Variants in CFAP20DC observed in about 807,000 individuals in gnomAD.
CFAP20DC encodes protein CFAP20DC.
Under a neutral mutation model 101.7 loss-of-function variants are expected in CFAP20DC, and 84 were observed. That is an observed-to-expected ratio of 0.83 (90% CI 0.69 to 0.99). The LOEUF is 0.99. CFAP20DC is among the 50% of genes least tolerant of loss of function. The probability of loss-of-function intolerance (pLI) is 0.00; values close to 1 mark genes in which losing one functional copy is unlikely to be tolerated. For missense variants in CFAP20DC, 1,007 were observed against 970.3 expected (o/e 1.04, Z -0.50); for synonymous variants, 359 against 351.2 (o/e 1.02, Z -0.25).
chr3:58,880,489 C>T (rs1360150803), intron 7 of CFAP20DC, among the ~76,000 whole-genome samples: 1 of 151,994 alleles, frequency 6.6e-6, no homozygotes, highest in Non-Finnish European at 1.5e-5. Flanking sequence ...TTTGTTATTA[C>T]AAGCAATGTA....
intron 15 of CFAP20DC, among the ~76,000 whole-genome samples, chr3:58,771,425 A>T (rs2070833935): frequency 6.6e-6 from 1 of 152,058 alleles, no homozygotes; most frequent in Non-Finnish European, 1.5e-5. Context: ...ACAAGCAAAA[A>T]ACAAAAACAA....
chr3:58,853,665 C>A, intron 12 of CFAP20DC, among the ~76,000 whole-genome samples: 1 of 152,154 alleles, frequency 6.6e-6, no homozygotes, highest in Non-Finnish European at 1.5e-5. Flanking sequence ...CCCTGGGATG[C>A]AAGGCTGGTT....
At chr3:59,013,204 A>C (rs2093624378) in intron 4 of CFAP20DC, among the ~76,000 whole-genome samples, 1 of 152,170 alleles carries the variant, frequency 6.6e-6, no homozygotes, top group Non-Finnish European at 1.5e-5. Context: ...GGCTCTAGGA[A>C]GGTGAGTCTA....
chr3:58,764,482 C>T (rs1292378571), intron 15 of CFAP20DC, among the ~76,000 whole-genome samples: 2 of 152,186 alleles, frequency 1.3e-5, no homozygotes, highest in Admixed American at 6.5e-5. Context: ...CCTTGCGCTT[C>T]CCAGGTGAGG....
chr3:58,827,116 T>G (rs1021152240), intron 14 of CFAP20DC, among the ~76,000 whole-genome samples: 1 of 152,126 alleles, frequency 6.6e-6, no homozygotes, highest in African/African-American at 2.4e-5. Flanking sequence ...GTGACAATGA[T>G]GTGTCAATGG....
chr3:58,984,243 T>C (rs754838010), intron 4 of CFAP20DC, among the ~76,000 whole-genome samples: 37 of 152,230 alleles, frequency 2.4e-4, no homozygotes, highest in Non-Finnish European at 4.6e-4. Flanking sequence ...AAATCATCAA[T>C]AATTGTTATT....
chr3:58,851,594 A>C (rs1575928743), intron 12 of CFAP20DC, among the ~76,000 whole-genome samples: 1 of 152,338 alleles, frequency 6.6e-6, no homozygotes, highest in Admixed American at 6.5e-5. Flanking sequence ...AGATAAAAAC[A>C]AAAAATATAA....
intron 15 of CFAP20DC, among the ~76,000 whole-genome samples, chr3:58,800,952 C>T (rs2073645135): frequency 6.8e-6 from 1 of 148,146 alleles, no homozygotes; most frequent in Admixed American, 6.8e-5. Context: ...CTCACTTGCT[C>T]ATGCCCTCCC....
At chr3:58,774,477 A>T (rs1383925393) in intron 15 of CFAP20DC, among the ~76,000 whole-genome samples, 1 of 152,226 alleles carries the variant, frequency 6.6e-6, no homozygotes, top group Non-Finnish European at 1.5e-5. Context: ...TAAGTTGTAG[A>T]AATGGTTAGT....
At chr3:58,759,795 C>T (rs1432272430) in intron 15 of CFAP20DC, among the ~76,000 whole-genome samples, 1 of 152,166 alleles carries the variant, frequency 6.6e-6, no homozygotes, top group Non-Finnish European at 1.5e-5. Flanking sequence ...ATAGGTAATC[C>T]TTTCCCCATT....
At chr3:58,879,505 C>CT (rs1299966281) in intron 7 of CFAP20DC, among the ~76,000 whole-genome samples, 1 of 152,168 alleles carries the variant, frequency 6.6e-6, no homozygotes, top group Non-Finnish European at 1.5e-5. Flanking sequence ...ATTTGGCTAT[C>CT]ATTCATTCAT....
intron 12 of CFAP20DC, among the ~76,000 whole-genome samples, chr3:58,856,110 T>C (rs964347203): frequency 2.0e-5 from 3 of 151,784 alleles, no homozygotes; most frequent in Non-Finnish European, 4.4e-5. Context: ...ATTAAAATAA[T>C]CAATAATACT....
At position 59,009,630 on chromosome 3, in the gene CFAP20DC, C is replaced by T. The variant is rs148201014; in HGVS notation, c.278+29927G>A. 4.4e-3 allele frequency among the ~76,000 whole-genome samples: 672 copies of T among 152,190 alleles called. 1 individual carries two copies. The highest frequency in any genetic ancestry group is 6.5e-3 in the Non-Finnish European group (445 of 68,002). On this transcript the variant is annotated intron_variant, in intron 4 of 16. Coordinates refer to ENST00000482387, the MANE Select transcript of CFAP20DC (RefSeq NM_001394063.1). ...GTTCCCGAGGAAGAAGAGAAATATACACATTTGGAGAACTTATTTGAGGGA... is the reference window on the plus strand; with the variant it reads ...GTTCCCGAGGAAGAAGAGAAATATATACATTTGGAGAACTTATTTGAGGGA...
chr3:58,974,992 G>A (rs1197719322), intron 4 of CFAP20DC, among the ~76,000 whole-genome samples: 1 of 152,128 alleles, frequency 6.6e-6, no homozygotes, highest in African/African-American at 2.4e-5. Context: ...TGAACCTGGT[G>A]CCTTCCCTAC....
chr3:58,813,063 A>G (rs1005007778), intron 14 of CFAP20DC, among the ~76,000 whole-genome samples: 1 of 151,904 alleles, frequency 6.6e-6, no homozygotes, highest in African/African-American at 2.4e-5. Flanking sequence ...AATTTCTATT[A>G]CCACGAATGA....
At position 58,808,978 on chromosome 3, in the gene CFAP20DC, A is replaced by G. The variant is rs2074365458; in HGVS notation, c.2176-2522T>C. Among the ~76,000 whole-genome samples, 7 of 152,012 alleles carry G rather than the reference A, an allele frequency of 4.6e-5. No individual in the cohort carries two copies. The South Asian group carries it at 1.5e-3, about 32-fold the overall frequency. ...CAAAAGAGACAAAGAAGGCCATTAC[A>G]TAATGGTAAAGGGATGAATTCAACA... On this transcript the variant is annotated intron_variant, in intron 14 of 16. Coordinates refer to ENST00000482387, the MANE Select transcript of CFAP20DC (RefSeq NM_001394063.1).
intron 4 of CFAP20DC, among the ~76,000 whole-genome samples, chr3:58,946,521 T>A (rs2089386535): frequency 1.3e-5 from 2 of 152,190 alleles, no homozygotes; most frequent in Non-Finnish European, 2.9e-5. Context: ...GTCTATGGAA[T>A]AAAGTCCAAG....
At position 58,849,141 on chromosome 3, in the gene CFAP20DC, G is replaced by A. The variant is rs267599921; in HGVS notation, c.1862C>T (p.Pro621Leu). 1.3e-6 allele frequency: 2 copies of A among 1,535,984 alleles called. No homozygotes were observed. The highest frequency in any genetic ancestry group is 1.7e-6 in the Non-Finnish European group (2 of 1,146,906). Residue 621 changes from proline (P) to leucine (L), a missense_variant, in exon 13 of 17, where the codon CCC (proline) becomes CTC (leucine). Pro to Leu is a moderately conservative substitution (Grantham distance 98, BLOSUM62 -3). Transcript: ENST00000482387. ...TGATAGATCCTTCGCTTTGATTACG[G>A]GCTCTGGAGTTTTCTGACAGGACCC... The part of the protein sequence containing the change: ...RCGSCQKTPE[P>L]VIKAKDLSAQ...
intron 13 of CFAP20DC, among the ~76,000 whole-genome samples, chr3:58,845,800 A>C (rs750297084): frequency 2.7e-5 from 4 of 150,608 alleles, no homozygotes; most frequent in Non-Finnish European, 5.9e-5. Context: ...CAGCACATCA[A>C]AAAGCTTATC....
Sources: allele counts gnomAD v4.1 joint callset (sites outside exome capture counted in the v4.1 genomes callset), GRCh38; gene constraint gnomAD v4.1.1; transcripts MANE v1.5; gene names NCBI Gene and HGNC (gene_info 2026-07-23, HGNC 2026-07-21).